Variants in USP33 observed in about 807,000 individuals in gnomAD.
USP33 encodes ubiquitin carboxyl-terminal hydrolase 33.
A neutral mutation model predicts 124.2 loss-of-function variants in USP33; 46 were observed. The observed-to-expected ratio is 0.37, with a 90% CI of 0.29 to 0.47. The LOEUF is 0.47. USP33 is among the 20% of genes least tolerant of loss of function. USP33 has a pLI of 0.99. For synonymous variants in USP33, 350 were observed against 352.3 expected (o/e 0.99, Z 0.07); for missense variants, 851 against 1,070.6 (o/e 0.79, Z 2.86).
chr1:77,710,956 CTTTTGA>C (rs112042642), intron 21 of USP33, among the ~76,000 whole-genome samples: 2,774 of 152,212 alleles, frequency 0.018, 49 homozygotes, highest in African/African-American at 0.049. Context: ...GTTGTTCATG[CTTTTGA>C]TTTTATGACC....
At position 77,697,370 on chromosome 1, in the gene USP33, G is replaced by C. The variant is rs746144128; in HGVS notation, c.2683C>G (p.Pro895Ala). ...TTTTCTTCTGCTTGAAGTATATCTG[G>C]ATCAACATGAACAACCGGAGGTCGC... ...ILRPPVVHVD[P>A]DILQAEEKIE... is the part of the protein sequence containing the mutation. Residue 895 changes from proline (P) to alanine (A), a missense_variant, in exon 24 of 24, where the codon CCA becomes GCA. Pro to Ala is a conservative substitution (Grantham distance 27). Around this residue, in one of 4 missense-constraint regions of USP33, gnomAD observed 142 missense variants for 141.8 expected, o/e 1.00. Transcript: ENST00000370794. 1.2e-6 allele frequency: 2 copies of C among 1,612,444 alleles called. No individual in the cohort carries two copies. Among genetic ancestry groups the C allele is most frequent in the Non-Finnish European group, 1.7e-6 (2 of 1,179,680 alleles).
In USP33 at chr1:77,728,472, G is replaced by C; in HGVS notation, c.958C>G (p.Gln320Glu). 6.2e-7 allele frequency: 1 copy of C among 1,613,898 alleles called. No homozygotes were observed. Among genetic ancestry groups the C allele is most frequent in the Non-Finnish European group, 8.5e-7 (1 of 1,179,982 alleles). ...ATTTCTGAATTGTTTTCATCATCCTGAATTAACATTGTTGTTTCATTATTA... is the reference window on the plus strand; with the variant it reads ...ATTTCTGAATTGTTTTCATCATCCTCAATTAACATTGTTGTTTCATTATTA... The part of the protein sequence containing the change: ...EDNNETTMLI[Q>E]DDENNSEMSK... The change falls in exon 10 of 24, where the codon CAG becomes GAG. Residue 320 changes from glutamine to glutamate, a missense_variant. Physicochemically the swap from Gln to Glu is conservative, Grantham distance 29. Transcript: ENST00000370794.
intron 17 of USP33, 189 bp downstream of exon 17, chr1:77,717,674 GTTTA>G (rs908270874): frequency 3.1e-5 from 11 of 355,314 alleles, no homozygotes; most frequent in East Asian, 1.3e-4. Context: ...TAATTAGGAT[GTTTA>G]TTTATTTATT....
chr1:77,697,919 G>T lies in USP33; in HGVS notation c.2522C>A (p.Pro841His), dbSNP rs200602746. The change falls in exon 23 of 24, where the codon CCT (proline) becomes CAT (histidine). Residue 841 changes from proline to histidine, a missense_variant. By Grantham distance (77) the Pro-to-His change is moderately conservative. Coordinates refer to ENST00000370794, the MANE Select transcript of USP33 (RefSeq NM_201624.3). ...VKGKDGDPPG[P>H]IDNTKIAVTK... The stretch of plus-strand genomic sequence containing the variant: ...GACTGCAATCTTAGTATTGTCAATA[G>T]GACCTGGAGGATCTAAAGGAAAAAA... The T allele has an allele frequency of 1.2e-5, 20 of 1,602,202 alleles. No homozygotes were observed. In the African/African-American group the frequency reaches 1.5e-4, roughly 12 times the overall value.
In USP33 at chr1:77,728,601, C is replaced by T. The variant is rs1677430905; in HGVS notation, c.829G>A (p.Glu277Lys). Residue 277 changes from glutamate (E) to lysine (K), a missense_variant, in exon 10 of 24, where the codon GAA (glutamate) becomes AAA (lysine). This residue lies in a region of USP33 where 207 missense variants were observed against 200.9 expected (regional missense o/e 1.03). Coordinates refer to ENST00000370794, the MANE Select transcript of USP33 (RefSeq NM_201624.3). ...PQTITTEETM[E>K]EDKSQSDVDF... ...ACATCCGACTGGCTCTTGTCTTCTT[C>T]CATTGTCTCCTCAGTGGTTATGGTT... 6.2e-7 allele frequency: 1 copy of T among 1,614,140 alleles called. No homozygotes were observed. The highest frequency in any genetic ancestry group is 2.2e-5 in the East Asian group (1 of 44,872).
chr1:77,732,771 T>C (rs928869045), intron 7 of USP33, among the ~76,000 whole-genome samples: 9 of 151,086 alleles, frequency 6.0e-5, no homozygotes, highest in Admixed American at 5.3e-4. Context: ...TCCTCAAGTT[T>C]CAGAGTAAAT....
At chr1:77,724,572 T>C (rs1676947233) in intron 11 of USP33, among the ~76,000 whole-genome samples, 1 of 152,174 alleles carries the variant, frequency 6.6e-6, no homozygotes, top group South Asian at 2.1e-4. Flanking sequence ...GGCAGTTTAA[T>C]ACAACTATAA....
intron 19 of USP33, 149 bp from the exon 20 acceptor site, chr1:77,713,430 A>T: frequency 1.6e-6 from 1 of 644,002 alleles, no homozygotes; most frequent in Non-Finnish European, 2.5e-6. Flanking sequence ...CACCCAGTCC[A>T]GAGAGTGCAG....
chr1:77,741,748 C>A lies in USP33; in HGVS notation c.-51G>T, dbSNP rs1247971007. ...CCAAGACTTTCAAAATGAGGTAACA[C>A]CTATAAGAAAAGTAACACACACAAA... On this transcript the variant is annotated splice_region_variant and 5_prime_UTR_variant, in exon 2 of 24. Coordinates refer to ENST00000370794, the MANE Select transcript of USP33 (RefSeq NM_201624.3). 6.4e-7 allele frequency: 1 copy of A among 1,569,372 alleles called. No individual in the cohort carries two copies. The highest frequency in any genetic ancestry group is 1.2e-5 in the South Asian group (1 of 80,988).
rs1390048495 is a variant in USP33, at chr1:77,716,546, G to A, written c.1919-678C>T. 3.3e-5 allele frequency among the ~76,000 whole-genome samples: 5 copies of A among 152,182 alleles called. No homozygotes were observed. In the East Asian group the frequency reaches 9.6e-4, roughly 29 times the overall value. ...CGCATTTATTCAGTACAGATTAATTGACAAAGCCTTGAGTCAACACCACTA... is the reference window on the plus strand; with the variant it reads ...CGCATTTATTCAGTACAGATTAATTAACAAAGCCTTGAGTCAACACCACTA... On this transcript the variant is annotated intron_variant, in intron 17 of 23. Coordinates refer to ENST00000370794, the MANE Select transcript of USP33 (RefSeq NM_201624.3).
At chr1:77,741,809 C>A in intron 1 of USP33, 61 bp from the exon 2 acceptor site, 63 of 1,391,838 alleles carry the variant, frequency 4.5e-5, no homozygotes, top group South Asian at 2.9e-4. Context: ...TGCAAAGATT[C>A]CAAAAAATAA....
intron 12 of USP33, 137 bp downstream of exon 12, chr1:77,723,194 G>A (rs1676773091): frequency 1.4e-6 from 1 of 701,570 alleles, no homozygotes; most frequent in Non-Finnish European, 2.3e-6. Flanking sequence ...TCAAATTTGT[G>A]TTGATGTAAA....
intron 19 of USP33, 37 bp downstream of exon 19, chr1:77,714,577 A>C (rs1263864105): frequency 1.3e-6 from 2 of 1,572,508 alleles, no homozygotes; most frequent in Non-Finnish European, 1.7e-6. Context: ...TTTTACAGCA[A>C]ACTTCTACTA....
rs1677610431 is a variant in USP33, at chr1:77,729,940, T to G, written c.639-2A>C. The G allele has an allele frequency of 3.8e-6, 6 of 1,589,620 alleles. No individual in the cohort carries two copies. Among genetic ancestry groups the G allele is most frequent in the Non-Finnish European group, 5.1e-6 (6 of 1,172,080 alleles). ...GTAGTAGGCACAACAGATCCTGGCC[T>G]GAGCAAGAAAACATTTTTAAAGAGC... On this transcript the variant is annotated splice_acceptor_variant, in intron 8 of 23. Coordinates refer to ENST00000370794, the MANE Select transcript of USP33 (RefSeq NM_201624.3). LOFTEE classifies it high-confidence loss of function.
rs1673432316 is a variant in USP33 at position 77,696,201 on chromosome 1, CTAT to C, written c.*1113_*1115del. On this transcript the variant is annotated 3_prime_UTR_variant, in exon 24 of 24. Coordinates refer to ENST00000370794, the MANE Select transcript of USP33 (RefSeq NM_201624.3). ...ACTATATTATTCAAAAAGACTTTAT[CTAT>C]TTCATTTAAAAAATCAAGTTGCAAG... is the stretch of plus-strand genomic sequence containing the variant. The C allele has an allele frequency of 6.6e-6, 1 of 152,364 alleles. No homozygotes were observed. The highest frequency in any genetic ancestry group is 1.5e-5 in the Non-Finnish European group (1 of 68,020). 9.4% of individuals were successfully genotyped at this position (152,364 alleles called of 1,614,324 possible).
intron 23 of USP33, 96 bp downstream of exon 23, chr1:77,697,767 G>C: frequency 1.6e-6 from 2 of 1,247,878 alleles, no homozygotes; most frequent in East Asian, 2.4e-5. Context: ...ACATTCTTCA[G>C]TTGAATAAAA....
rs74536050 is a variant in USP33 at position 77,755,540 on chromosome 1, A to C, written c.-52+4103T>G. On this transcript the variant is annotated intron_variant, in intron 1 of 23. Transcript: ENST00000370794. ...GTGAAACCCCCATTTCTACCAAAAA[A>C]TACAAAAATTAGCTGGGTATGGTGG... 2.6e-5 allele frequency among the ~76,000 whole-genome samples: 4 copies of C among 152,202 alleles called. No individual in the cohort carries two copies. In the East Asian group the frequency reaches 7.7e-4, roughly 29 times the overall value.
chr1:77,743,994 T>G (rs1679435612), intron 1 of USP33, among the ~76,000 whole-genome samples: 1 of 151,836 alleles, frequency 6.6e-6, no homozygotes, highest in Non-Finnish European at 1.5e-5. Context: ...CGTGGTGGTG[T>G]GCACCTATAG....
At position 77,759,796 on chromosome 1, in the gene USP33, G is replaced by C. The variant is rs367548684; in HGVS notation, c.-205C>G. On this transcript the variant is annotated 5_prime_UTR_variant, in exon 1 of 24. Coordinates refer to ENST00000370794, the MANE Select transcript of USP33 (RefSeq NM_201624.3). ...GGCCCCGCAGCGCTGCCCTCGGGGG[G>C]TCCGCCTCCTGAACTGGCCACTTCC... 2 of 397,582 alleles carry C rather than the reference G, an allele frequency of 5.0e-6. No homozygotes were observed. Among genetic ancestry groups the C allele is most frequent in the Non-Finnish European group, 8.9e-6 (2 of 225,438 alleles). 24.6% of individuals were successfully genotyped at this position (397,582 alleles called of 1,614,324 possible).
Sources: gnomAD v4.1 joint callset for allele counts (sites outside exome capture counted in the v4.1 genomes callset) on GRCh38, gnomAD v4.1.1 for gene constraint, gnomAD v4.1.1 regional missense constraint, MANE v1.5 for transcripts, NCBI Gene and HGNC (gene_info 2026-07-23, HGNC 2026-07-21) for gene names.